FHIP1A: variants seen among roughly 807,000 people sequenced by gnomAD.
FHIP1A encodes the protein FHF complex subunit HOOK-interacting protein 1A.
Under a neutral mutation model 88.6 loss-of-function variants are expected in FHIP1A, and 61 were observed. That is an observed-to-expected ratio of 0.69 (90% CI 0.56 to 0.85). The LOEUF is 0.85. Among genes scored for constraint, FHIP1A ranks in the 40% least tolerant of loss-of-function variants. The probability of loss-of-function intolerance (pLI) is 0.00; values close to 1 mark genes in which losing one functional copy is unlikely to be tolerated. For missense variants in FHIP1A, 1,154 were observed against 1,273.5 expected, an observed-to-expected ratio of 0.91 and a Z score of 1.43; for synonymous variants, 478 against 496.0, an observed-to-expected ratio of 0.96 and a Z score of 0.48.
intron 3 of FHIP1A, among the ~76,000 whole-genome samples, chr4:151,486,692 C>G (rs979570917): frequency 6.6e-6 from 1 of 152,006 alleles, no homozygotes; most frequent in African/African-American, 2.4e-5. Flanking sequence ...TCTTGCCGGG[C>G]GTGGTGGCTC....
At chr4:151,514,186 C>A (rs1168889959) in intron 3 of FHIP1A, among the ~76,000 whole-genome samples, 2 of 152,234 alleles carry the variant, frequency 1.3e-5, no homozygotes, top group Admixed American at 6.5e-5. Flanking sequence ...AACTGAACAA[C>A]TTGCTCCTGA....
Position 151,656,091 on chromosome 4 carries a change from C to G in FHIP1A, c.2552-141C>G. On this transcript the variant is annotated intron_variant, in intron 11 of 13. Transcript: ENST00000435205. The surrounding 1 kb of genome is among the most constrained non-coding windows in gnomAD (Gnocchi z 4.2). ...GTTTTGGTTTTGAGGCAGGAGAAAA[C>G]GTGGCCATATTTGCTGTGTCTGGCT... 1.7e-6 allele frequency: 1 copy of G among 571,878 alleles called. No homozygotes were observed. Among genetic ancestry groups the G allele is most frequent in the Non-Finnish European group, 2.9e-6 (1 of 340,336 alleles). The allele number at this position is 571,878 out of a possible 1,614,324, so 35.4% of individuals were successfully genotyped here.
chr4:151,491,759 A>C (rs1201318920), intron 3 of FHIP1A, among the ~76,000 whole-genome samples: 1 of 152,182 alleles, frequency 6.6e-6, no homozygotes, highest in Non-Finnish European at 1.5e-5. Flanking sequence ...CTCACCTAAC[A>C]CATAGAACTC....
chr4:151,504,607 G>GTTATGTTATGTTATC (rs1282977562), intron 3 of FHIP1A, among the ~76,000 whole-genome samples: 6 of 68,070 alleles, frequency 8.8e-5, no homozygotes, highest in Admixed American at 5.9e-4. Context: ...GTTATGTTAT[G>GTTATGTTATGTTATC]TCATGTTATG....
At chr4:151,545,047 C>T (rs1732438611) in intron 3 of FHIP1A, among the ~76,000 whole-genome samples, 1 of 152,174 alleles carries the variant, frequency 6.6e-6, no homozygotes, top group South Asian at 2.1e-4. Flanking sequence ...TGCACTCCAG[C>T]CTGGGCAACA....
At chr4:151,589,527 T>C (rs1454715260) in intron 7 of FHIP1A, among the ~76,000 whole-genome samples, 1 of 152,148 alleles carries the variant, frequency 6.6e-6, no homozygotes, top group Non-Finnish European at 1.5e-5. Flanking sequence ...AGGCCTAGAA[T>C]TCTGATTTTC....
chr4:151,577,494 G>A lies in FHIP1A; in HGVS notation c.150G>A (p.Gln50=). 6.5e-7 allele frequency: 1 copy of A among 1,547,824 alleles called. No individual in the cohort carries two copies. The highest frequency in any genetic ancestry group is 8.7e-7 in the Non-Finnish European group (1 of 1,144,264). ...AGCACGACCCCTTGAAGAACACCCA[G>A]GCAAAATATGGGTCTATCCCTCCAG... ...LEKHDPLKNT[Q]AKYGSIPPDE... The change falls in exon 5 of 14, where the codon CAG becomes CAA. Residue 50 remains glutamine (Q), a synonymous_variant. Coordinates refer to ENST00000435205, the MANE Select transcript of FHIP1A (RefSeq NM_001109977.3).
At chr4:151,526,943 G>A (rs1255320265) in intron 3 of FHIP1A, among the ~76,000 whole-genome samples, 1 of 151,416 alleles carries the variant, frequency 6.6e-6, no homozygotes, top group Non-Finnish European at 1.5e-5. Flanking sequence ...GGGCAGAGAC[G>A]CTCCTCACTT....
chr4:151,420,842 C>T (rs1236597024), intron 1 of FHIP1A, among the ~76,000 whole-genome samples: 1 of 152,208 alleles, frequency 6.6e-6, no homozygotes, highest in African/African-American at 2.4e-5. Context: ...CCTGCAGTGC[C>T]CCATCTTGAG....
At chr4:151,505,373 C>T (rs942036071) in intron 3 of FHIP1A, among the ~76,000 whole-genome samples, 3 of 152,066 alleles carry the variant, frequency 2.0e-5, no homozygotes, top group African/African-American at 7.2e-5. Context: ...AAAGGAGTCC[C>T]CAAATGGAAG....
At chr4:151,601,489 A>C (rs889648281) in intron 7 of FHIP1A, among the ~76,000 whole-genome samples, 1 of 151,772 alleles carries the variant, frequency 6.6e-6, no homozygotes, top group Non-Finnish European at 1.5e-5. Flanking sequence ...TAGTGAATCT[A>C]CTTTTTATAG....
chr4:151,632,112 A>T (rs564488960), intron 8 of FHIP1A, among the ~76,000 whole-genome samples: 2 of 152,078 alleles, frequency 1.3e-5, no homozygotes, highest in Non-Finnish European at 2.9e-5. Context: ...AATATATCCT[A>T]TGCAAATGGT....
intron 9 of FHIP1A, among the ~76,000 whole-genome samples, chr4:151,642,624 T>C (rs758045284): frequency 5.9e-5 from 9 of 152,202 alleles, no homozygotes; most frequent in Non-Finnish European, 1.3e-4. Context: ...GTTGGGGTTA[T>C]CATCCCAGAA....
chr4:151,624,293 A>G (rs754006366), intron 7 of FHIP1A, among the ~76,000 whole-genome samples: 9 of 152,172 alleles, frequency 5.9e-5, no homozygotes, highest in Non-Finnish European at 1.0e-4. Context: ...ATGCATTGAG[A>G]GCAGCTCCAG....
intron 1 of FHIP1A, among the ~76,000 whole-genome samples, chr4:151,452,946 A>G (rs1254612431): frequency 8.3e-6 from 1 of 119,762 alleles, no homozygotes; most frequent in Non-Finnish European, 1.9e-5. Flanking sequence ...GTATATATAT[A>G]TATATACATA....
intron 7 of FHIP1A, among the ~76,000 whole-genome samples, chr4:151,605,709 T>A (rs1560795449): frequency 6.6e-6 from 1 of 152,238 alleles, no homozygotes; most frequent in African/African-American, 2.4e-5. Context: ...CTTCCAAACA[T>A]GCACATACGT....
At chr4:151,640,860 G>GA (rs1736561240) in intron 9 of FHIP1A, among the ~76,000 whole-genome samples, 1 of 152,146 alleles carries the variant, frequency 6.6e-6, no homozygotes, top group Non-Finnish European at 1.5e-5. Flanking sequence ...TGTTACAAAA[G>GA]TGTCCGCAGA....
chr4:151,409,231 A>G lies in FHIP1A; in HGVS notation c.-590A>G, dbSNP rs1732499055. The G allele has an allele frequency of 6.6e-6, 1 of 151,550 alleles. No homozygotes were observed. The allele number at this position is 151,550 out of a possible 1,614,324, so 9.4% of individuals were successfully genotyped here. On this transcript the variant is annotated 5_prime_UTR_variant, in exon 1 of 14. Transcript: ENST00000435205. The stretch of plus-strand genomic sequence containing the variant: ...CGCACCTTCGAAAAGTTGCGCTCCG[A>G]CCTTCTCACGACCTACATTCTTCCC...
intron 3 of FHIP1A, among the ~76,000 whole-genome samples, chr4:151,557,542 G>C (rs187873031): frequency 6.6e-6 from 1 of 152,194 alleles, no homozygotes; most frequent in East Asian, 1.9e-4. Flanking sequence ...AGTCACTCTA[G>C]AGGAAAGTGT....
Sources: allele counts gnomAD v4.1 joint callset (sites outside exome capture counted in the v4.1 genomes callset), GRCh38; gene constraint gnomAD v4.1.1; non-coding constraint Gnocchi (gnomAD v3.1); transcripts MANE v1.5; gene names NCBI Gene and HGNC (gene_info 2026-07-23, HGNC 2026-07-21).